The following SNX7 variants were observed in gnomAD, a reference collection of about 807,000 sequenced individuals.
SNX7 encodes sorting nexin 7.
In SNX7, 35 loss-of-function variants were observed where a neutral mutation model predicts 48.4. That is an observed-to-expected ratio of 0.72 (90% CI 0.55 to 0.96). The LOEUF (loss-of-function observed/expected upper bound fraction) is 0.96, where lower values mean the gene tolerates loss of function less well. Ranked by LOEUF, SNX7 falls within the 40% of genes least tolerant of loss-of-function variation. SNX7 has a pLI of 0.00. For synonymous variants in SNX7, 190 were observed against 190.2 expected (o/e 1.00, Z 0.01); for missense variants, 553 against 548.9 (o/e 1.01, Z -0.07).
intron 7 of SNX7, among the ~76,000 whole-genome samples, chr1:98,731,605 A>G (rs965906386): frequency 9.2e-5 from 14 of 152,142 alleles, no homozygotes; most frequent in African/African-American, 3.4e-4. Flanking sequence ...TGACTATTGT[A>G]GAGTATACTT....
At chr1:98,700,090 T>G (rs1351493876) in intron 6 of SNX7, among the ~76,000 whole-genome samples, 1 of 152,234 alleles carries the variant, frequency 6.6e-6, no homozygotes, top group East Asian at 1.9e-4. Flanking sequence ...AATTGAAGTA[T>G]TACATTATTA....
intron 5 of SNX7, among the ~76,000 whole-genome samples, chr1:98,696,809 A>G (rs962061499): frequency 2.0e-5 from 3 of 151,916 alleles, no homozygotes; most frequent in Non-Finnish European, 4.4e-5. Context: ...TTCTGGATGC[A>G]TAGTTAGGTG....
At chr1:98,681,665 A>T (rs1444132725) in intron 1 of SNX7, among the ~76,000 whole-genome samples, 1 of 152,212 alleles carries the variant, frequency 6.6e-6, no homozygotes, top group East Asian at 1.9e-4. Flanking sequence ...ATGGTTCCGG[A>T]TTGAAGGGGA....
At chr1:98,670,806 G>GA (rs983727818) in intron 1 of SNX7, among the ~76,000 whole-genome samples, 7 of 150,910 alleles carry the variant, frequency 4.6e-5, no homozygotes, top group African/African-American at 7.3e-5. Context: ...TATAAACAAA[G>GA]AAAAAAAAAT....
intron 7 of SNX7, among the ~76,000 whole-genome samples, chr1:98,713,355 T>C (rs561574379): frequency 7.2e-4 from 109 of 152,260 alleles, no homozygotes; most frequent in African/African-American, 2.6e-3. Context: ...GTTAGGACAT[T>C]GCTCTGGATT....
chr1:98,695,468 C>T (rs368426809), intron 4 of SNX7, 50 bp from the exon 5 acceptor site: 25 of 1,546,786 alleles, frequency 1.6e-5, no homozygotes, highest in South Asian at 9.3e-5. Flanking sequence ...TATTGAGTCT[C>T]GGAATATTGA....
At chr1:98,684,244 CGTTTACCATA>C (rs1003522917) in intron 1 of SNX7, among the ~76,000 whole-genome samples, 1 of 152,180 alleles carries the variant, frequency 6.6e-6, no homozygotes, top group African/African-American at 2.4e-5. Context: ...TGGCACATTT[CGTTTACCATA>C]GTTTTTTTCT....
At chr1:98,673,317 C>T (rs1649980288) in intron 1 of SNX7, among the ~76,000 whole-genome samples, 1 of 152,152 alleles carries the variant, frequency 6.6e-6, no homozygotes, top group African/African-American at 2.4e-5. Flanking sequence ...GACTGGAATC[C>T]TGCTCTCCAA....
At chr1:98,669,267 G>T in intron 1 of SNX7, among the ~76,000 whole-genome samples, 1 of 152,042 alleles carries the variant, frequency 6.6e-6, no homozygotes, top group East Asian at 1.9e-4. Context: ...TTACCTTTTT[G>T]ATATCTCTGG....
Position 98,691,194 on chromosome 1 carries a change from G to T in SNX7, c.474+9G>T, listed in dbSNP as rs376379243. 3 of 1,568,270 alleles carry T rather than the reference G, an allele frequency of 1.9e-6. No homozygotes were observed. The highest frequency in any genetic ancestry group is 1.8e-5 in the Admixed American group (1 of 55,012). ...CCACTCTGATTATTCCAGTAAGTTTGCAAAATTTTTTTTTTCATAGAATAG... is the reference window on the plus strand; with the variant it reads ...CCACTCTGATTATTCCAGTAAGTTTTCAAAATTTTTTTTTTCATAGAATAG... On this transcript the variant is annotated intron_variant, in intron 3 of 8. Coordinates refer to ENST00000306121, the MANE Select transcript of SNX7 (RefSeq NM_015976.5).
chr1:98,682,188 C>T (rs76559142), intron 1 of SNX7, among the ~76,000 whole-genome samples: 2,193 of 150,648 alleles, frequency 0.015, 54 homozygotes, highest in African/African-American at 0.051. Context: ...CTTTCGTATT[C>T]TGTTCTCCAC....
rs1022303028 is a variant in SNX7 at position 98,756,712 on chromosome 1, A to G, written c.1279-3342A>G. 6.6e-5 allele frequency among the ~76,000 whole-genome samples: 10 copies of G among 151,968 alleles called. 1 individual carries two copies. Among genetic ancestry groups the G allele is most frequent in the African/African-American group, 2.4e-4 (10 of 41,486 alleles). On this transcript the variant is annotated intron_variant, in intron 8 of 8. Transcript: ENST00000306121. ...ACTCTCTTCTCTGATACTCTGGTCT[A>G]TGAACTCTAGCTGCATTTTCTCGAA...
At chr1:98,727,196 C>T (rs1005884671) in intron 7 of SNX7, among the ~76,000 whole-genome samples, 4 of 144,144 alleles carry the variant, frequency 2.8e-5, no homozygotes, top group Admixed American at 1.4e-4. Flanking sequence ...GGTGACACAG[C>T]GAGACTCTGT....
chr1:98,750,038 T>A (rs1654505739), intron 8 of SNX7, among the ~76,000 whole-genome samples: 1 of 152,050 alleles, frequency 6.6e-6, no homozygotes, highest in Non-Finnish European at 1.5e-5. Flanking sequence ...GCACAACAGC[T>A]TTATATGGCT....
chr1:98,680,072 G>A (rs1489103230), intron 1 of SNX7, among the ~76,000 whole-genome samples: 3 of 152,334 alleles, frequency 2.0e-5, no homozygotes, highest in South Asian at 2.1e-4. Context: ...CTTCTGACTG[G>A]ACATACAGGC....
chr1:98,705,723 A>G (rs919530415), intron 7 of SNX7, among the ~76,000 whole-genome samples: 1 of 152,116 alleles, frequency 6.6e-6, no homozygotes, highest in Non-Finnish European at 1.5e-5. Context: ...GGAAGAGGGG[A>G]TGTGACTTAA....
At chr1:98,756,690 C>G (rs1654875734) in intron 8 of SNX7, among the ~76,000 whole-genome samples, 1 of 151,814 alleles carries the variant, frequency 6.6e-6, no homozygotes. Flanking sequence ...ATGCACCACT[C>G]TCTTCTCTGA....
chr1:98,674,517 G>T (rs1650054184), intron 1 of SNX7, among the ~76,000 whole-genome samples: 2 of 152,020 alleles, frequency 1.3e-5, no homozygotes, highest in African/African-American at 4.8e-5. Context: ...ATTGGATTAG[G>T]GCCTATCCTA....
intron 6 of SNX7, 86 bp from the exon 7 acceptor site, chr1:98,701,731 T>G (rs1651759473): frequency 1.2e-6 from 1 of 831,814 alleles, no homozygotes; most frequent in Non-Finnish European, 1.8e-6. Flanking sequence ...GAGATGCTAT[T>G]TATATTCTGA....
Sources: allele counts gnomAD v4.1 joint callset (sites outside exome capture counted in the v4.1 genomes callset), GRCh38; gene constraint gnomAD v4.1.1; transcripts MANE v1.5; gene names NCBI Gene and HGNC (gene_info 2026-07-23, HGNC 2026-07-21).